The following SCARB2 variants were observed in gnomAD, a reference collection of about 807,000 sequenced individuals.
SCARB2 encodes the protein lysosome membrane protein 2.
Under a neutral mutation model 58.6 loss-of-function variants are expected in SCARB2, and 29 were observed. The ratio of observed to expected loss-of-function variants is 0.49; its 90% confidence interval spans 0.37 to 0.67. The LOEUF (loss-of-function observed/expected upper bound fraction) is 0.67. Ranked by LOEUF, SCARB2 falls within the 30% of genes least tolerant of loss-of-function variation. SCARB2 has a pLI of 0.00. For missense variants in SCARB2, 488 were observed against 578.5 expected, an observed-to-expected ratio of 0.84 and a Z score of 1.60; for synonymous variants, 195 against 210.1, an observed-to-expected ratio of 0.93 and a Z score of 0.62.
Position 76,174,373 on chromosome 4 carries a change from A to C in SCARB2, c.825-60T>G, listed in dbSNP as rs1732201906. ...CTCTGGTCAGTGTAATCTGCCCGAAATCCGCAAGTTAGCAACAGTTCTCAG... is the reference window on the plus strand; with the variant it reads ...CTCTGGTCAGTGTAATCTGCCCGAACTCCGCAAGTTAGCAACAGTTCTCAG... On this transcript the variant is annotated intron_variant, in intron 6 of 11. Coordinates refer to ENST00000264896, the MANE Select transcript of SCARB2 (RefSeq NM_005506.4). 1.1e-5 allele frequency: 16 copies of C among 1,519,456 alleles called. No homozygotes were observed. The South Asian group carries it at 1.8e-4, about 17-fold the overall frequency. The allele number at this position is 1,519,456 out of a possible 1,614,324, so 94.1% of individuals were successfully genotyped here.
chr4:76,221,694 G>C (rs1308534471), intron 1 of SCARB2, among the ~76,000 whole-genome samples: 1 of 152,194 alleles, frequency 6.6e-6, no homozygotes, highest in Non-Finnish European at 1.5e-5. Flanking sequence ...ATTAGCTAAA[G>C]AGCTAAGCAT....
chr4:76,181,230 A>T (rs1053270084), intron 2 of SCARB2, 129 bp from the exon 3 acceptor site: 2 of 910,240 alleles, frequency 2.2e-6, no homozygotes, highest in Non-Finnish European at 3.3e-6. Context: ...TAGAGACTGC[A>T]GCTACTAAGC....
chr4:76,209,311 T>C (rs1418838695), intron 1 of SCARB2, among the ~76,000 whole-genome samples: 3 of 152,176 alleles, frequency 2.0e-5, no homozygotes, highest in South Asian at 4.1e-4. Flanking sequence ...CAAGATCCCA[T>C]AGTCACCAAT....
Position 76,160,629 on chromosome 4 carries a change from A to G in SCARB2, c.*1084T>C, listed in dbSNP as rs991475639. ...GACAGTGAGCTACAAAACACTGGAAAGAACTGAAACTGAGGAAGGAACTTG... is the reference window on the plus strand; with the variant it reads ...GACAGTGAGCTACAAAACACTGGAAGGAACTGAAACTGAGGAAGGAACTTG... On this transcript the variant is annotated 3_prime_UTR_variant, in exon 12 of 12. Coordinates refer to ENST00000264896, the MANE Select transcript of SCARB2 (RefSeq NM_005506.4). The G allele has an allele frequency of 2.0e-5, 3 of 152,242 alleles. No individual in the cohort carries two copies. Among genetic ancestry groups the G allele is most frequent in the Non-Finnish European group, 4.4e-5 (3 of 68,050 alleles). The allele number at this position is 152,242 out of a possible 1,614,324, so 9.4% of individuals were successfully genotyped here. A position where few individuals can be genotyped will look rare whatever the true frequency, so the allele number is the denominator to read the frequency against.
At chr4:76,170,935 T>C (rs1732115735) in intron 7 of SCARB2, among the ~76,000 whole-genome samples, 1 of 98,692 alleles carries the variant, frequency 1.0e-5, no homozygotes, top group African/African-American at 4.8e-5. Context: ...TAAGTGCTTA[T>C]GTAAATTTAA....
rs957776724 is a variant in SCARB2 at position 76,176,451 on chromosome 4, T to C, written c.690A>G (p.Glu230=). Residue 230 remains glutamate, a synonymous_variant, in exon 5 of 12, where the codon GAA becomes GAG. Coordinates refer to ENST00000264896, the MANE Select transcript of SCARB2 (RefSeq NM_005506.4). ...DSYLNFTKIV[E]WNGKTSLDWW... ...ATTTGACTTACGTTTTCCCATTCCATTCCACAATTTTTGTAAAGTTAAGGT... is the reference window on the plus strand; with the variant it reads ...ATTTGACTTACGTTTTCCCATTCCACTCCACAATTTTTGTAAAGTTAAGGT... The C allele has an allele frequency of 9.9e-6, 16 of 1,610,198 alleles. No individual in the cohort carries two copies. Among genetic ancestry groups the C allele is most frequent in the South Asian group, 5.5e-5 (5 of 90,818 alleles).
In SCARB2 at chr4:76,174,277, T is replaced by C. The variant is rs1732199162; in HGVS notation, c.861A>G (p.Val287=). ...TATACCGAAAGGCAGGCAGTCCCTGTACACTCTCATAGTCACTGAAAGTAA... is the reference window on the plus strand; with the variant it reads ...TATACCGAAAGGCAGGCAGTCCCTGCACACTCTCATAGTCACTGAAAGTAA... ...VYITFSDYES[V]QGLPAFRYKV... is the part of the protein sequence containing the mutation. Residue 287 remains valine, a synonymous_variant, in exon 7 of 12, where the codon GTA becomes GTG. Coordinates refer to ENST00000264896, the MANE Select transcript of SCARB2 (RefSeq NM_005506.4). The C allele has an allele frequency of 1.2e-6, 2 of 1,614,186 alleles. No homozygotes were observed. The highest frequency in any genetic ancestry group is 1.3e-5 in the African/African-American group (1 of 75,056).
chr4:76,182,391 C>G (rs573182280), intron 2 of SCARB2, among the ~76,000 whole-genome samples: 3 of 152,092 alleles, frequency 2.0e-5, no homozygotes, highest in Non-Finnish European at 4.4e-5. Context: ...TGAAATGATG[C>G]TATTTCAGTT....
chr4:76,203,270 T>C lies in SCARB2; in HGVS notation c.118-7406A>G, dbSNP rs531681615. Among the ~76,000 whole-genome samples, 332 of 152,280 alleles carry C rather than the reference T, an allele frequency of 2.2e-3. 1 individual carries two copies. Among genetic ancestry groups the C allele is most frequent in the African/African-American group, 7.3e-3 (305 of 41,560 alleles). On this transcript the variant is annotated intron_variant, in intron 1 of 11. Transcript: ENST00000264896. ...GACTACAGGCATGAGGCACCACACC[T>C]GGCCCAAATCAGTGAATAATTTCTT...
intron 1 of SCARB2, among the ~76,000 whole-genome samples, chr4:76,200,817 T>A (rs146701178): frequency 3.5e-4 from 54 of 152,308 alleles, no homozygotes; most frequent in Non-Finnish European, 6.6e-4. Flanking sequence ...CCTGCTGATT[T>A]CACCTCCTCC....
chr4:76,176,424 T>A lies in SCARB2; in HGVS notation c.704+13A>T, dbSNP rs1578721068. 1 of 1,565,962 alleles carries A rather than the reference T, an allele frequency of 6.4e-7. No individual in the cohort carries two copies. On this transcript the variant is annotated intron_variant, in intron 5 of 11. Transcript: ENST00000264896. ...CTGAAAAAATAATTCCACTGATAAA[T>A]CATTTGACTTACGTTTTCCCATTCC...
At chr4:76,166,426 ATT>A in intron 9 of SCARB2, 125 bp from the exon 10 acceptor site, 2 of 1,018,868 alleles carry the variant, frequency 2.0e-6, no homozygotes, top group Non-Finnish European at 3.1e-6. Flanking sequence ...GAATTTGCTG[ATT>A]TCTTAGTTAT....
At chr4:76,182,194 T>C (rs1732400218) in intron 2 of SCARB2, among the ~76,000 whole-genome samples, 1 of 152,206 alleles carries the variant, frequency 6.6e-6, no homozygotes, top group African/African-American at 2.4e-5. Flanking sequence ...TTTGTTTCTT[T>C]CCCTTTGCTT....
intron 1 of SCARB2, among the ~76,000 whole-genome samples, chr4:76,211,355 G>GT (rs1733042036): frequency 1.0e-5 from 1 of 100,064 alleles, no homozygotes; most frequent in East Asian, 6.4e-3. Context: ...TGAGGACCAA[G>GT]TAAGTTATTT....
upstream of SCARB2, among the ~76,000 whole-genome samples, chr4:76,215,881 A>G (rs1364853609): frequency 1.3e-5 from 2 of 152,210 alleles, no homozygotes; most frequent in Non-Finnish European, 2.9e-5. Context: ...GCCCTGCTCA[A>G]AATGCAAAAT....
At chr4:76,231,495 G>A (rs771279554) in intron 1 of SCARB2, among the ~76,000 whole-genome samples, 1 of 151,294 alleles carries the variant, frequency 6.6e-6, no homozygotes, top group Non-Finnish European at 1.5e-5. Flanking sequence ...TTTGAAACAC[G>A]ATTTCTCACT....
chr4:76,162,101 T>C (rs1377199862), intron 11 of SCARB2: 7 of 305,074 alleles, frequency 2.3e-5, no homozygotes, highest in African/African-American at 1.5e-4. Flanking sequence ...AATTCCTTGC[T>C]TGTTGAATAT....
intron 2 of SCARB2, among the ~76,000 whole-genome samples, chr4:76,185,373 A>T (rs1194206472): frequency 1.3e-5 from 2 of 152,254 alleles, no homozygotes; most frequent in Non-Finnish European, 2.9e-5. Flanking sequence ...AACAAAAAAC[A>T]AATCAAATTT....
intron 1 of SCARB2, among the ~76,000 whole-genome samples, chr4:76,197,697 G>A (rs964673198): frequency 2.6e-4 from 39 of 152,062 alleles, no homozygotes; most frequent in African/African-American, 9.2e-4. Flanking sequence ...CTGTAAAAAC[G>A]GCTGAAATAC....
Sources: gnomAD v4.1 joint callset for allele counts (sites outside exome capture counted in the v4.1 genomes callset) on GRCh38, gnomAD v4.1.1 for gene constraint, MANE v1.5 for transcripts, NCBI Gene and HGNC (gene_info 2026-07-23, HGNC 2026-07-21) for gene names.